Variants in GFRAL observed in about 807,000 individuals in gnomAD.
The protein encoded by GFRAL is GDNF family receptor alpha like.
In GFRAL, 36 loss-of-function variants were observed where a neutral mutation model predicts 45.4. That is an observed-to-expected ratio of 0.79 (90% confidence interval 0.61 to 1.05). The LOEUF (loss-of-function observed/expected upper bound fraction) is 1.05. Ranked by LOEUF, GFRAL falls within the 50% of genes least tolerant of loss-of-function variation. The probability of loss-of-function intolerance (pLI) is 0.00; values close to 1 mark genes in which losing one functional copy is unlikely to be tolerated. For missense variants in GFRAL, 507 were observed against 467.5 expected (o/e 1.08, Z -0.78); for synonymous variants, 166 against 154.1 (o/e 1.08, Z -0.57).
At position 55,327,512 on chromosome 6, in the gene GFRAL, C is replaced by T. The variant is rs1172495177; in HGVS notation, c.-43C>T. On this transcript the variant is annotated 5_prime_UTR_variant, in exon 1 of 9. Transcript: ENST00000340465. ...CTTAAGAAAGTTGTCAGAAGAAACG[C>T]ATCTGCCTTTTTTTCCAGGTGAACT... 1 of 1,610,354 alleles carries T rather than the reference C, an allele frequency of 6.2e-7. No individual in the cohort carries two copies. The highest frequency in any genetic ancestry group is 8.5e-7 in the Non-Finnish European group (1 of 1,177,420).
chr6:55,401,450 C>T (rs1046241725), intron 8 of GFRAL, among the ~76,000 whole-genome samples: 8 of 152,150 alleles, frequency 5.3e-5, no homozygotes, highest in African/African-American at 1.9e-4. Flanking sequence ...CATGTGAATA[C>T]CTGTCTTCTG....
At chr6:55,378,464 G>A (rs1442508952) in intron 6 of GFRAL, among the ~76,000 whole-genome samples, 1 of 151,906 alleles carries the variant, frequency 6.6e-6, no homozygotes, top group Non-Finnish European at 1.5e-5. Flanking sequence ...TCAGCCTTAT[G>A]GAGAGGAAAT....
chr6:55,327,601 A>G, intron 1 of GFRAL, 25 bp downstream of exon 1: 1 of 1,605,030 alleles, frequency 6.2e-7, no homozygotes. Context: ...CTTCTGGTTT[A>G]TCTGAATTAT....
chr6:55,379,962 G>A (rs1768586574), intron 6 of GFRAL, among the ~76,000 whole-genome samples: 1 of 151,882 alleles, frequency 6.6e-6, no homozygotes, highest in Non-Finnish European at 1.5e-5. Flanking sequence ...TTTCATCCAT[G>A]TTGTTGCAAA....
intron 6 of GFRAL, among the ~76,000 whole-genome samples, chr6:55,385,163 T>A (rs1462516637): frequency 1.3e-5 from 2 of 152,124 alleles, no homozygotes; most frequent in African/African-American, 4.8e-5. Flanking sequence ...TTAATATTAA[T>A]AGTATAAGAA....
chr6:55,331,323 C>G (rs1419237780), intron 1 of GFRAL, among the ~76,000 whole-genome samples: 2 of 151,934 alleles, frequency 1.3e-5, no homozygotes, highest in African/African-American at 4.8e-5. Flanking sequence ...GAAGGGAGGG[C>G]TGGCAAAGGA....
chr6:55,343,110 C>G (rs1160588638), intron 3 of GFRAL, among the ~76,000 whole-genome samples: 1 of 152,110 alleles, frequency 6.6e-6, no homozygotes, highest in Non-Finnish European at 1.5e-5. Flanking sequence ...CAACATTAGA[C>G]AGATCAATGA....
intron 8 of GFRAL, among the ~76,000 whole-genome samples, chr6:55,400,029 G>A (rs2127368004): frequency 6.6e-6 from 1 of 152,180 alleles, no homozygotes; most frequent in South Asian, 2.1e-4. Context: ...GCTCCAGCAG[G>A]CATGTGAGAC....
intron 1 of GFRAL, among the ~76,000 whole-genome samples, chr6:55,329,840 G>A (rs1767808006): frequency 1.3e-5 from 2 of 151,606 alleles, no homozygotes; most frequent in Admixed American, 1.3e-4. Flanking sequence ...TTTGCAAAGA[G>A]GTAAGATTTA....
chr6:55,389,401 T>C (rs990452846), intron 6 of GFRAL, among the ~76,000 whole-genome samples: 2 of 152,038 alleles, frequency 1.3e-5, no homozygotes, highest in African/African-American at 2.4e-5. Context: ...CGTACAGCAA[T>C]AGAACCCAGA....
intron 3 of GFRAL, among the ~76,000 whole-genome samples, chr6:55,348,523 C>G (rs1179357644): frequency 1.3e-5 from 2 of 152,004 alleles, no homozygotes; most frequent in Non-Finnish European, 2.9e-5. Context: ...TACGAAAAAT[C>G]TCAGATAAAG....
At chr6:55,347,030 C>T (rs1768052894) in intron 3 of GFRAL, among the ~76,000 whole-genome samples, 1 of 151,798 alleles carries the variant, frequency 6.6e-6, no homozygotes, top group South Asian at 2.1e-4. Flanking sequence ...AGCAGATAAA[C>T]CACTCAGTAA....
chr6:55,368,550 G>GT (rs1455881628), intron 6 of GFRAL, among the ~76,000 whole-genome samples: 1 of 151,868 alleles, frequency 6.6e-6, no homozygotes, highest in Non-Finnish European at 1.5e-5. Context: ...TTTCTGCTCT[G>GT]TTTTTTCCCC....
intron 6 of GFRAL, among the ~76,000 whole-genome samples, chr6:55,384,863 C>CA (rs34292413): frequency 0.75 from 104,983 of 140,424 alleles, 40,331 homozygotes; most frequent in South Asian, 0.91. Flanking sequence ...CAAAAAGCAG[C>CA]AAAAAAAAAA....
intron 3 of GFRAL, among the ~76,000 whole-genome samples, chr6:55,334,319 G>A (rs116111422): frequency 0.013 from 1,990 of 152,222 alleles, 23 homozygotes; most frequent in Non-Finnish European, 0.022. Context: ...ATGATAGAAG[G>A]CAAATAAGAT....
In GFRAL at chr6:55,368,060, C is replaced by T. The variant is rs911269889; in HGVS notation, c.952+8922C>T. The stretch of plus-strand genomic sequence containing the variant: ...GTTTTCCAACTTGGTTCCATTCTCC[C>T]CATCACTTTCAGGTACACCAATCAG... On this transcript the variant is annotated intron_variant, in intron 6 of 8. Transcript: ENST00000340465. 2.0e-5 allele frequency among the ~76,000 whole-genome samples: 3 copies of T among 148,826 alleles called. No individual in the cohort carries two copies. In the South Asian group the frequency reaches 6.5e-4, roughly 32 times the overall value.
At chr6:55,364,518 C>A (rs1768330244) in intron 6 of GFRAL, among the ~76,000 whole-genome samples, 2 of 144,714 alleles carry the variant, frequency 1.4e-5, no homozygotes, top group African/African-American at 5.4e-5. Context: ...TTGCCCATGC[C>A]TATGTCCTGA....
chr6:55,345,928 A>T (rs1278867356), intron 3 of GFRAL, among the ~76,000 whole-genome samples: 3 of 152,244 alleles, frequency 2.0e-5, no homozygotes, highest in Admixed American at 6.5e-5. Flanking sequence ...CAGCCAACTG[A>T]CACATGAAAA....
intron 3 of GFRAL, among the ~76,000 whole-genome samples, chr6:55,339,732 G>A (rs1352817054): frequency 3.9e-5 from 6 of 152,108 alleles, no homozygotes; most frequent in African/African-American, 2.4e-5. Flanking sequence ...AGATTAATTA[G>A]GCTGAAATGT....
Sources: allele counts gnomAD v4.1 joint callset (sites outside exome capture counted in the v4.1 genomes callset), GRCh38; gene constraint gnomAD v4.1.1; transcripts MANE v1.5; gene names NCBI Gene and HGNC (gene_info 2026-07-23, HGNC 2026-07-21).